The following TMEM132B variants were observed in gnomAD, a reference collection of about 807,000 sequenced individuals.
TMEM132B encodes the protein transmembrane protein 132B.
In TMEM132B, 18 loss-of-function variants were observed where a neutral mutation model predicts 90.8. The ratio of observed to expected loss-of-function variants is 0.20; its 90% CI spans 0.14 to 0.29. The LOEUF (loss-of-function observed/expected upper bound fraction) is 0.29, where lower values mean the gene tolerates loss of function less well. Ranked by LOEUF, TMEM132B falls within the 10% of genes least tolerant of loss-of-function variation. The pLI, the probability that TMEM132B is intolerant of heterozygous loss-of-function variation, is 1.00. For missense variants in TMEM132B, 1,096 were observed against 1,326.8 expected, an observed-to-expected ratio of 0.83 and a Z score of 2.70; for synonymous variants, 504 against 523.3, an observed-to-expected ratio of 0.96 and a Z score of 0.50.
rs756720128 is a variant in TMEM132B at position 125,650,713 on chromosome 12, TGAG to T, written c.1678_1680del (p.Glu560del). On this transcript the variant is annotated inframe_deletion, in exon 7 of 9. Coordinates refer to ENST00000682704, the MANE Select transcript of TMEM132B (RefSeq NM_001366854.1). ...CCCGGGAAAGCGATGACGAGGACGA[TGAG>T]GAGAAGAAGGGACGAGGCTGCTCCC... 1.8e-5 allele frequency: 29 copies of T among 1,610,828 alleles called. No individual in the cohort carries two copies. The highest frequency in any genetic ancestry group is 2.5e-6 in the Non-Finnish European group (3 of 1,177,286).
intron 3 of TMEM132B, among the ~76,000 whole-genome samples, chr12:125,446,130 C>T (rs375783597): frequency 5.0e-4 from 76 of 152,316 alleles, no homozygotes; most frequent in African/African-American, 1.8e-3. Flanking sequence ...TTGATAAGTT[C>T]TTCCCCATTA....
rs1957760022 is a variant in TMEM132B at position 125,186,390 on chromosome 12, T to G, written c.-410T>G. On this transcript the variant is annotated 5_prime_UTR_variant, in exon 1 of 9. Coordinates refer to ENST00000682704, the MANE Select transcript of TMEM132B (RefSeq NM_001366854.1). The surrounding 1 kb of genome is among the most constrained non-coding windows in gnomAD (Gnocchi z 6.3). Reference sequence around the variant, plus strand: ...CCGGCGCTCGCTCGCTCGCTCACTCTCTCGCTGGCTCGAGGGGCGGCCGGC... The same window carrying G: ...CCGGCGCTCGCTCGCTCGCTCACTCGCTCGCTGGCTCGAGGGGCGGCCGGC... Among the ~76,000 whole-genome samples, 2 of 143,714 alleles carry G rather than the reference T, an allele frequency of 1.4e-5. No homozygotes were observed. Among genetic ancestry groups the G allele is most frequent in the Admixed American group, 6.9e-5 (1 of 14,552 alleles). The allele number at this position is 143,714 out of a possible 152,430, so 94.3% of individuals were successfully genotyped here. A position where few individuals can be genotyped will look rare whatever the true frequency, so the allele number is the denominator to read the frequency against.
intron 3 of TMEM132B, among the ~76,000 whole-genome samples, chr12:125,494,867 CT>C (rs1882499704): frequency 8.2e-6 from 1 of 121,708 alleles, no homozygotes; most frequent in Non-Finnish European, 1.7e-5. Context: ...CACGCCCCTC[CT>C]CCCCCTCCTC....
intron 5 of TMEM132B, among the ~76,000 whole-genome samples, chr12:125,597,045 T>C (rs938460864): frequency 6.6e-6 from 1 of 152,208 alleles, no homozygotes; most frequent in Non-Finnish European, 1.5e-5. Flanking sequence ...ACCATGGCTC[T>C]GGCTGGGAGA....
At chr12:125,206,273 A>G (rs890387053) in intron 1 of TMEM132B, among the ~76,000 whole-genome samples, 20 of 151,928 alleles carry the variant, frequency 1.3e-4, no homozygotes, top group Admixed American at 2.6e-4. Flanking sequence ...GAGTCTCACT[A>G]TGTAGCGCAG....
At chr12:125,192,939 T>C (rs1042840258) in intron 1 of TMEM132B, among the ~76,000 whole-genome samples, 4 of 152,170 alleles carry the variant, frequency 2.6e-5, no homozygotes, top group Non-Finnish European at 5.9e-5. Context: ...CCCTGGCTGT[T>C]CTCATTACAA....
At chr12:125,192,630 C>T (rs1285952855) in intron 1 of TMEM132B, among the ~76,000 whole-genome samples, 1 of 152,188 alleles carries the variant, frequency 6.6e-6, no homozygotes, top group Non-Finnish European at 1.5e-5. Context: ...GGTGTTGAGC[C>T]ACCATGCCTG....
At chr12:125,515,347 C>A (rs773607361) in intron 3 of TMEM132B, among the ~76,000 whole-genome samples, 2 of 150,950 alleles carry the variant, frequency 1.3e-5, no homozygotes, top group Non-Finnish European at 2.9e-5. Flanking sequence ...TTCTGTCACA[C>A]TCACACACAC....
intron 4 of TMEM132B, among the ~76,000 whole-genome samples, chr12:125,541,964 G>A (rs998324705): frequency 1.4e-5 from 2 of 144,838 alleles, no homozygotes; most frequent in African/African-American, 5.2e-5. Context: ...GGCGGAGCTT[G>A]CAGTGAGCTG....
At position 125,622,364 on chromosome 12, in the gene TMEM132B, G is replaced by T. The variant is rs79119640; in HGVS notation, c.1438-21712G>T. 2,939 of 518,328 alleles carry T rather than the reference G, an allele frequency of 5.7e-3. 86 individuals carry two copies. The highest frequency in any genetic ancestry group is 0.056 in the African/African-American group (2,716 of 48,130). 32.1% of individuals were successfully genotyped at this position (518,328 alleles called of 1,614,324 possible). ...AATTTATTGCTAATGTAAATCAAAGGTTCCCACAAAGCAGAGTCTTTTAAA... is the reference window on the plus strand; with the variant it reads ...AATTTATTGCTAATGTAAATCAAAGTTTCCCACAAAGCAGAGTCTTTTAAA... On this transcript the variant is annotated intron_variant, in intron 5 of 8. Coordinates refer to ENST00000682704, the MANE Select transcript of TMEM132B (RefSeq NM_001366854.1).
At chr12:125,333,453 T>G (rs569976117) in intron 1 of TMEM132B, among the ~76,000 whole-genome samples, 4 of 152,362 alleles carry the variant, frequency 2.6e-5, no homozygotes, top group African/African-American at 2.4e-5. Context: ...ATTAATTACA[T>G]TCATGAAGAA....
Position 125,490,704 on chromosome 12 carries a change from G to T in TMEM132B, c.1107-28735G>T, listed in dbSNP as rs1341088826. ...GATGGTCTCGATCTCCTGACCTCGTGATCCGCCCGTCTTGGCCTCCCAAAG... is the reference window on the plus strand; with the variant it reads ...GATGGTCTCGATCTCCTGACCTCGTTATCCGCCCGTCTTGGCCTCCCAAAG... On this transcript the variant is annotated intron_variant, in intron 3 of 8. Coordinates refer to ENST00000682704, the MANE Select transcript of TMEM132B (RefSeq NM_001366854.1). This position sits in a 1 kb window ranked among gnomAD's most constrained non-coding sequence, Gnocchi z 4.2. Among the ~76,000 whole-genome samples the T allele has an allele frequency of 6.6e-6, 1 of 152,156 alleles. No homozygotes were observed. The highest frequency in any genetic ancestry group is 1.5e-5 in the Non-Finnish European group (1 of 68,034).
At position 125,408,038 on chromosome 12, in the gene TMEM132B, G is replaced by A. The variant is rs148658620; in HGVS notation, c.960-7493G>A. On this transcript the variant is annotated intron_variant, in intron 2 of 8. Coordinates refer to ENST00000682704, the MANE Select transcript of TMEM132B (RefSeq NM_001366854.1). This position sits in a 1 kb window ranked among gnomAD's most constrained non-coding sequence, Gnocchi z 5.9. ...CCCAGCAGGACTCCACTCAGTGACT[G>A]CCTCTACCACAGGGCGGCCACTGTG... Among the ~76,000 whole-genome samples the A allele has an allele frequency of 4.1e-4, 63 of 152,332 alleles. No homozygotes were observed. In the East Asian group the frequency reaches 0.011, roughly 27 times the overall value.
intron 3 of TMEM132B, among the ~76,000 whole-genome samples, chr12:125,488,614 T>G (rs953833544): frequency 6.6e-5 from 10 of 152,336 alleles, no homozygotes; most frequent in African/African-American, 1.9e-4. Flanking sequence ...CCTCTTTGCC[T>G]CCTGCCATGA....
chr12:125,540,725 T>TA (rs1407718202), intron 4 of TMEM132B, among the ~76,000 whole-genome samples: 1 of 152,244 alleles, frequency 6.6e-6, no homozygotes, highest in Non-Finnish European at 1.5e-5. Context: ...TAATCTCTCC[T>TA]AGTTCTACCC....
intron 2 of TMEM132B, among the ~76,000 whole-genome samples, chr12:125,402,508 C>A (rs576023387): frequency 6.6e-6 from 1 of 152,304 alleles, no homozygotes; most frequent in Non-Finnish European, 1.5e-5. Flanking sequence ...GATTGTAGAC[C>A]CTGGCTTCAT....
intron 1 of TMEM132B, among the ~76,000 whole-genome samples, chr12:125,278,547 C>G (rs1354828012): frequency 6.8e-6 from 1 of 147,494 alleles, no homozygotes; most frequent in African/African-American, 2.5e-5. Flanking sequence ...AATGGGTATG[C>G]AGGCAGTTAT....
At chr12:125,594,368 A>C (rs1262333841) in intron 5 of TMEM132B, among the ~76,000 whole-genome samples, 1 of 152,238 alleles carries the variant, frequency 6.6e-6, no homozygotes, top group African/African-American at 2.4e-5. Flanking sequence ...CATTGAAGCC[A>C]GCCTTTGTCT....
chr12:125,594,611 T>C (rs148797406), intron 5 of TMEM132B, among the ~76,000 whole-genome samples: 417 of 152,332 alleles, frequency 2.7e-3, no homozygotes, highest in African/African-American at 9.4e-3. Context: ...TTGGTTTTAA[T>C]TTGCATATCC....
Sources: allele counts gnomAD v4.1 joint callset (sites outside exome capture counted in the v4.1 genomes callset), GRCh38; gene constraint gnomAD v4.1.1; non-coding constraint Gnocchi (gnomAD v3.1); transcripts MANE v1.5; gene names NCBI Gene and HGNC (gene_info 2026-07-23, HGNC 2026-07-21).